Variants in CPNE4 observed in about 807,000 individuals in gnomAD.
CPNE4 encodes copine 4, also known as copine-4.
Under a neutral mutation model 67.9 loss-of-function variants are expected in CPNE4, and 25 were observed. The observed-to-expected ratio is 0.37, with a 90% CI of 0.27 to 0.51. The LOEUF (loss-of-function observed/expected upper bound fraction) is 0.51, where lower values mean the gene tolerates loss of function less well. Ranked by LOEUF, CPNE4 falls within the 20% of genes least tolerant of loss-of-function variation. The pLI is 0.93. For missense variants in CPNE4, 464 were observed against 690.8 expected, an observed-to-expected ratio of 0.67 and a Z score of 3.68; for synonymous variants, 242 against 244.9, an observed-to-expected ratio of 0.99 and a Z score of 0.11.
intron 1 of CPNE4, among the ~76,000 whole-genome samples, chr3:131,972,123 G>GAAAA: frequency 6.6e-6 from 1 of 150,402 alleles, no homozygotes; most frequent in Non-Finnish European, 1.5e-5. Flanking sequence ...GAGAGAGAGG[G>GAAAA]AAAAAAAAAG....
intron 2 of CPNE4, among the ~76,000 whole-genome samples, chr3:131,864,248 C>T (rs2086831172): frequency 6.6e-6 from 1 of 151,404 alleles, no homozygotes; most frequent in South Asian, 2.1e-4. Flanking sequence ...TGAAGAAAGT[C>T]ATTGGTAGCT....
At chr3:131,729,910 T>G (rs1001793262) in intron 2 of CPNE4, among the ~76,000 whole-genome samples, 2 of 152,246 alleles carry the variant, frequency 1.3e-5, no homozygotes, top group Non-Finnish European at 2.9e-5. Flanking sequence ...AAATTCCTTC[T>G]TGAAATGGAT....
chr3:131,764,906 C>G (rs898723517), intron 2 of CPNE4, among the ~76,000 whole-genome samples: 1 of 152,060 alleles, frequency 6.6e-6, no homozygotes, highest in Non-Finnish European at 1.5e-5. Context: ...GACCTCCTGT[C>G]AATGACCTGG....
intron 2 of CPNE4, among the ~76,000 whole-genome samples, chr3:131,848,433 C>T (rs1367359670): frequency 6.6e-6 from 1 of 152,052 alleles, no homozygotes; most frequent in Non-Finnish European, 1.5e-5. Flanking sequence ...AAGAGCATTC[C>T]TCTGAAGCTG....
intron 2 of CPNE4, among the ~76,000 whole-genome samples, chr3:131,813,371 C>T (rs995240983): frequency 9.3e-5 from 14 of 150,086 alleles, no homozygotes; most frequent in Admixed American, 1.3e-4. Flanking sequence ...AATCCATTCA[C>T]GTTTTTTAAA....
chr3:131,643,844 C>T (rs1015033340), intron 7 of CPNE4, among the ~76,000 whole-genome samples: 2 of 152,054 alleles, frequency 1.3e-5, no homozygotes, highest in South Asian at 4.1e-4. Flanking sequence ...TCCTTGCTGC[C>T]GCCATGTGAA....
At chr3:131,974,588 A>T (rs1235217151) in intron 1 of CPNE4, among the ~76,000 whole-genome samples, 1 of 152,176 alleles carries the variant, frequency 6.6e-6, no homozygotes, top group Non-Finnish European at 1.5e-5. Flanking sequence ...GATCTGATTC[A>T]TTAAGGTTAC....
chr3:131,810,733 G>T (rs2084492667), intron 2 of CPNE4, among the ~76,000 whole-genome samples: 1 of 152,052 alleles, frequency 6.6e-6, no homozygotes, highest in African/African-American at 2.4e-5. Flanking sequence ...TATCTGCACT[G>T]CCTTGTTCAT....
intron 15 of CPNE4, among the ~76,000 whole-genome samples, chr3:131,541,556 G>A (rs1281648275): frequency 2.0e-5 from 3 of 151,752 alleles, no homozygotes; most frequent in Admixed American, 2.0e-4. Context: ...CCCACAGAGA[G>A]GGCAATTCAA....
chr3:131,993,490 G>A (rs867562400), intron 1 of CPNE4, among the ~76,000 whole-genome samples: 406 of 21,896 alleles, frequency 0.019, 7 homozygotes, highest in African/African-American at 0.034. Context: ...AAAAAAAAAA[G>A]CATAGCTTTA....
At chr3:131,930,739 C>T (rs2071037801) in intron 1 of CPNE4, among the ~76,000 whole-genome samples, 1 of 152,090 alleles carries the variant, frequency 6.6e-6, no homozygotes, top group African/African-American at 2.4e-5. Context: ...ATGTGGTTCT[C>T]TTTGGGCCCT....
intron 2 of CPNE4, among the ~76,000 whole-genome samples, chr3:131,899,223 G>T (rs2088458187): frequency 6.6e-6 from 1 of 152,084 alleles, no homozygotes; most frequent in Admixed American, 6.6e-5. Flanking sequence ...CTTTTGTAGG[G>T]CAAGTGAGTG....
intron 1 of CPNE4, among the ~76,000 whole-genome samples, chr3:131,984,817 T>C (rs1338335848): frequency 6.6e-6 from 1 of 152,194 alleles, no homozygotes; most frequent in African/African-American, 2.4e-5. Flanking sequence ...ACCTCTGAGG[T>C]CTATCTTCCA....
intron 2 of CPNE4, among the ~76,000 whole-genome samples, chr3:131,768,362 C>T (rs906847366): frequency 6.6e-6 from 1 of 152,102 alleles, no homozygotes; most frequent in Non-Finnish European, 1.5e-5. Flanking sequence ...ATTCTATCGG[C>T]AATGTAATAT....
Position 131,831,555 on chromosome 3 carries a change from G to A in CPNE4, c.180+73709C>T, listed in dbSNP as rs374382298. Among the ~76,000 whole-genome samples the A allele has an allele frequency of 2.6e-4, 39 of 152,202 alleles. No homozygotes were observed. In the East Asian group the frequency reaches 7.3e-3, roughly 29 times the overall value. On this transcript the variant is annotated intron_variant, in intron 2 of 15. Coordinates refer to ENST00000429747, the MANE Select transcript of CPNE4 (RefSeq NM_130808.3). Reference sequence around the variant, plus strand: ...AGCAAGGTACTATTGCTGGCCTAATGTTCTGAGTCTGAAGTCTTTCTCTTC... The same window carrying A: ...AGCAAGGTACTATTGCTGGCCTAATATTCTGAGTCTGAAGTCTTTCTCTTC...
At chr3:131,603,349 C>T (rs1939313727) in intron 7 of CPNE4, among the ~76,000 whole-genome samples, 1 of 152,118 alleles carries the variant, frequency 6.6e-6, no homozygotes, top group Non-Finnish European at 1.5e-5. Context: ...ATTAATTATA[C>T]TTGGAAAAAA....
chr3:131,592,201 C>T (rs556016332), intron 7 of CPNE4, among the ~76,000 whole-genome samples: 6 of 152,238 alleles, frequency 3.9e-5, no homozygotes, highest in African/African-American at 7.2e-5. Context: ...GTATATAGTG[C>T]GTACTATGTG....
intron 8 of CPNE4, among the ~76,000 whole-genome samples, chr3:131,585,514 C>T (rs1285437730): frequency 6.6e-6 from 1 of 152,192 alleles, no homozygotes; most frequent in Non-Finnish European, 1.5e-5. Flanking sequence ...CTCAGTGGAA[C>T]TTAAACGATT....
chr3:132,002,535 T>C (rs1219651044), intron 1 of CPNE4, among the ~76,000 whole-genome samples: 1 of 152,144 alleles, frequency 6.6e-6, no homozygotes, highest in African/African-American at 2.4e-5. Context: ...GACAAGAAAG[T>C]CTTTATTAAG....
Sources: allele counts gnomAD v4.1 joint callset (sites outside exome capture counted in the v4.1 genomes callset), GRCh38; gene constraint gnomAD v4.1.1; transcripts MANE v1.5; gene names NCBI Gene and HGNC (gene_info 2026-07-23, HGNC 2026-07-21).